IKBKB: variants seen among roughly 807,000 people sequenced by gnomAD.
IKBKB encodes the protein inhibitor of nuclear factor kappa B kinase subunit beta, also known as inhibitor of nuclear factor kappa-B kinase subunit beta.
In IKBKB, 42 loss-of-function variants were observed where a neutral mutation model predicts 113.6. The ratio of observed to expected loss-of-function variants is 0.37; its 90% CI spans 0.29 to 0.48. The LOEUF (loss-of-function observed/expected upper bound fraction) is 0.48, where lower values mean the gene tolerates loss of function less well. IKBKB is among the 20% of genes least tolerant of loss of function. The probability of loss-of-function intolerance (pLI) is 0.99; values close to 1 mark genes in which losing one functional copy is unlikely to be tolerated. For missense variants in IKBKB, 673 were observed against 939.7 expected, an observed-to-expected ratio of 0.72 and a Z score of 3.71; for synonymous variants, 296 against 361.3, an observed-to-expected ratio of 0.82 and a Z score of 2.05.
intron 2 of IKBKB, 71 bp from the exon 3 acceptor site, chr8:42,288,562 TC>T: frequency 1.7e-6 from 2 of 1,191,272 alleles, no homozygotes; most frequent in South Asian, 2.6e-5. Flanking sequence ...TGGAGACCCC[TC>T]CCATGCAGCA....
intron 4 of IKBKB, among the ~76,000 whole-genome samples, chr8:42,290,525 T>C (rs1186298694): frequency 1.3e-5 from 2 of 151,998 alleles, no homozygotes; most frequent in African/African-American, 2.4e-5. Flanking sequence ...CTGGGATTAC[T>C]CCAATGACAA....
At chr8:42,303,863 G>A (rs910004727) in intron 5 of IKBKB, among the ~76,000 whole-genome samples, 1 of 152,094 alleles carries the variant, frequency 6.6e-6, no homozygotes, top group Non-Finnish European at 1.5e-5. Flanking sequence ...TATCTATTAG[G>A]TATCTTTACT....
At chr8:42,300,442 C>G (rs1814942395) in intron 5 of IKBKB, among the ~76,000 whole-genome samples, 1 of 152,178 alleles carries the variant, frequency 6.6e-6, no homozygotes, top group African/African-American at 2.4e-5. Context: ...CAAAAATGTT[C>G]TGAAGGGAAC....
chr8:42,278,807 C>T (rs1348074988), intron 2 of IKBKB, among the ~76,000 whole-genome samples: 1 of 152,070 alleles, frequency 6.6e-6, no homozygotes, highest in Non-Finnish European at 1.5e-5. Context: ...CCAGCCTGAC[C>T]AACGTGGAGA....
chr8:42,277,925 C>T (rs1427169067), intron 2 of IKBKB, among the ~76,000 whole-genome samples: 4 of 152,176 alleles, frequency 2.6e-5, no homozygotes, highest in South Asian at 2.1e-4. Flanking sequence ...AAATATTTAT[C>T]GAATGTCTAT....
rs201805807 is a variant in IKBKB, at chr8:42,272,114, C to T, written c.14C>T (p.Pro5Leu). 12 of 1,614,022 alleles carry T rather than the reference C, an allele frequency of 7.4e-6. No individual in the cohort carries two copies. The highest frequency in any genetic ancestry group is 3.3e-4 in the Middle Eastern group (2 of 6,074). The change falls in exon 2 of 22, where the codon CCT becomes CTT. Residue 5 changes from proline to leucine, a missense_variant. Physicochemically the swap from Pro to Leu is moderately conservative, Grantham distance 98. Around this residue, in one of 2 missense-constraint regions of IKBKB, gnomAD observed 167 missense variants for 301.0 expected, o/e 0.55. Transcript: ENST00000520810. MSWSPSLTTQTCGAW... is the reference protein window; with the variant it reads MSWSLSLTTQTCGAW... ...CACGACATCAGTATGAGCTGGTCAC[C>T]TTCCCTGACAACGCAGACATGTGGG...
chr8:42,272,939 CAAA>C (rs71221204), intron 2 of IKBKB, among the ~76,000 whole-genome samples: 2 of 51,566 alleles, frequency 3.9e-5, no homozygotes, highest in Admixed American at 2.1e-4. Flanking sequence ...GACTCCGTCT[CAAA>C]AAAAAAAAAA....
rs1820642257 is a variant in IKBKB, at chr8:42,325,868, C to A, written c.1987-102C>A. On this transcript the variant is annotated intron_variant, in intron 19 of 21. Coordinates refer to ENST00000520810, the MANE Select transcript of IKBKB (RefSeq NM_001556.3). ...TGGTAGGCTGTAGGGTTAGCTCTGG[C>A]CTCTGGCAGCCAGCCAGTTGTCTCC... The A allele has an allele frequency of 3.2e-6, 5 of 1,557,474 alleles. No individual in the cohort carries two copies. In the South Asian group the frequency reaches 6.1e-5, roughly 19 times the overall value.
chr8:42,317,290 T>G (rs1447206262), intron 11 of IKBKB: 1 of 422,898 alleles, frequency 2.4e-6, no homozygotes, highest in Non-Finnish European at 4.4e-6. Flanking sequence ...CAGAACTGGG[T>G]TAGGCACCTG....
In IKBKB at chr8:42,316,037, G is replaced by A. The variant is rs1214876943; in HGVS notation, c.801-173G>A. Among the ~76,000 whole-genome samples the A allele has an allele frequency of 6.6e-6, 1 of 152,234 alleles. No homozygotes were observed. Among genetic ancestry groups the A allele is most frequent in the African/African-American group, 2.4e-5 (1 of 41,462 alleles). On this transcript the variant is annotated intron_variant, in intron 9 of 21. Transcript: ENST00000520810. The surrounding 1 kb of genome is among the most constrained non-coding windows in gnomAD (Gnocchi z 4.5). ...TGGGGGTATTTTAGAATTCAGGAGA[G>A]AGGTGTGAACACCTGAATAATTGAT...
In IKBKB at chr8:42,271,424, C is replaced by A; in HGVS notation, c.-64C>A. ...GGTTTGGCCGCCCCAGCCCCGCCTTCCCCGCCCCGGGGAGCCCGCCCCCTG... is the reference window on the plus strand; with the variant it reads ...GGTTTGGCCGCCCCAGCCCCGCCTTACCCGCCCCGGGGAGCCCGCCCCCTG... On this transcript the variant is annotated 5_prime_UTR_variant, in exon 1 of 22. Transcript: ENST00000520810. 31 of 1,392,266 alleles carry A rather than the reference C, an allele frequency of 2.2e-5. No homozygotes were observed. The highest frequency in any genetic ancestry group is 2.5e-5 in the Non-Finnish European group (26 of 1,028,778). The allele number at this position is 1,392,266 out of a possible 1,614,324, so 86.2% of individuals were successfully genotyped here.
At chr8:42,311,014 TC>T (rs1334630055) in intron 8 of IKBKB, among the ~76,000 whole-genome samples, 1 of 152,178 alleles carries the variant, frequency 6.6e-6, no homozygotes, top group Non-Finnish European at 1.5e-5. Context: ...CACAGTTGTT[TC>T]CCTAGGATAA....
At chr8:42,276,346 A>G (rs564257041) in intron 2 of IKBKB, among the ~76,000 whole-genome samples, 1 of 152,302 alleles carries the variant, frequency 6.6e-6, no homozygotes, top group Non-Finnish European at 1.5e-5. Flanking sequence ...ATGATTAGTG[A>G]TATTGAACAT....
At chr8:42,273,762 A>G (rs1018632796) in intron 2 of IKBKB, among the ~76,000 whole-genome samples, 2 of 151,864 alleles carry the variant, frequency 1.3e-5, no homozygotes, top group African/African-American at 4.8e-5. Flanking sequence ...AATGTTGTCC[A>G]GGCTCGTCTA....
intron 19 of IKBKB, among the ~76,000 whole-genome samples, chr8:42,322,727 A>G (rs1338326419): frequency 6.6e-6 from 1 of 152,224 alleles, no homozygotes; most frequent in African/African-American, 2.4e-5. Context: ...TGGCTACTGT[A>G]AAGATTAGCA....
intron 3 of IKBKB, among the ~76,000 whole-genome samples, chr8:42,289,615 C>T (rs1812154957): frequency 1.3e-5 from 2 of 152,118 alleles, no homozygotes; most frequent in African/African-American, 2.4e-5. Context: ...AGCAGGGGCT[C>T]CTCTGCCAGC....
At chr8:42,275,306 G>A (rs1320589751) in intron 2 of IKBKB, among the ~76,000 whole-genome samples, 1 of 151,354 alleles carries the variant, frequency 6.6e-6, no homozygotes, top group Non-Finnish European at 1.5e-5. Context: ...TTCTGCCTCG[G>A]CCTCCTGAGT....
In IKBKB at chr8:42,319,159, A is replaced by T. The variant is rs191338977; in HGVS notation, c.1365-111A>T. The T allele has an allele frequency of 6.3e-6, 6 of 951,296 alleles. No individual in the cohort carries two copies. The African/African-American group carries it at 9.8e-5, about 16-fold the overall frequency. 58.9% of individuals were successfully genotyped at this position (951,296 alleles called of 1,614,324 possible). A position where few individuals can be genotyped will look rare whatever the true frequency, so the allele number is the denominator to read the frequency against. ...CTGCTATAATAATAGTGATGATGAT[A>T]ATAATTATAGCAGGGACCTCCCTTG... On this transcript the variant is annotated intron_variant, in intron 13 of 21. Transcript: ENST00000520810.
At chr8:42,282,104 A>G (rs944391729) in intron 2 of IKBKB, among the ~76,000 whole-genome samples, 2 of 152,216 alleles carry the variant, frequency 1.3e-5, no homozygotes, top group Admixed American at 1.3e-4. Flanking sequence ...GAGGACCTTC[A>G]TAATCACTAC....
Sources: gnomAD v4.1 joint callset for allele counts (sites outside exome capture counted in the v4.1 genomes callset) on GRCh38, gnomAD v4.1.1 for gene constraint, gnomAD v4.1.1 regional missense constraint, Gnocchi (gnomAD v3.1) non-coding constraint, MANE v1.5 for transcripts, NCBI Gene and HGNC (gene_info 2026-07-23, HGNC 2026-07-21) for gene names.